The following PREB variants were observed in gnomAD, a reference collection of about 807,000 sequenced individuals.
PREB encodes the protein guanine nucleotide-exchange factor SEC12.
A neutral mutation model predicts 46.7 loss-of-function variants in PREB; 29 were observed. The ratio of observed to expected loss-of-function variants is 0.62; its 90% CI spans 0.46 to 0.85. The LOEUF (loss-of-function observed/expected upper bound fraction) is 0.85. Among genes scored for constraint, PREB ranks in the 40% least tolerant of loss-of-function variants. The pLI is 0.00. For synonymous variants in PREB, 224 were observed against 220.1 expected (o/e 1.02, Z -0.16); for missense variants, 494 against 528.4 (o/e 0.93, Z 0.64).
chr2:27,131,200 G>T lies in PREB; in HGVS notation c.*214C>A. 1.7e-6 allele frequency: 1 copy of T among 597,544 alleles called. No individual in the cohort carries two copies. The highest frequency in any genetic ancestry group is 4.5e-4 in the Middle Eastern group (1 of 2,240). 37.0% of individuals were successfully genotyped at this position (597,544 alleles called of 1,614,324 possible). On this transcript the variant is annotated 3_prime_UTR_variant, in exon 9 of 9. Transcript: ENST00000260643. ...GGCTTCAGATACCGCTGTTCTGGAT[G>T]GATCCACAGATGACGAAGGCAAGGT...
chr2:27,134,618 G>C lies in PREB; in HGVS notation c.-197C>G, dbSNP rs1243366527. 1.5e-6 allele frequency: 2 copies of C among 1,300,990 alleles called. No homozygotes were observed. The highest frequency in any genetic ancestry group is 1.6e-5 in the African/African-American group (1 of 64,144). The allele number at this position is 1,300,990 out of a possible 1,614,324, so 80.6% of individuals were successfully genotyped here. On this transcript the variant is annotated 5_prime_UTR_variant, in exon 1 of 9. Coordinates refer to ENST00000260643, the MANE Select transcript of PREB (RefSeq NM_013388.6). ...GCCTCAGCTCGGCTCCGTCCAAGTC[G>C]GTCTCGCAGACGCGCACTGCGCATG...
rs558769074 is a variant in PREB at position 27,133,040 on chromosome 2, G to C, written c.546+77C>G. ...GCAAGCTTCATTCACAAGTTTCCCAGATGCCACGTTCAACTTCTCACAATT... is the reference window on the plus strand; with the variant it reads ...GCAAGCTTCATTCACAAGTTTCCCACATGCCACGTTCAACTTCTCACAATT... On this transcript the variant is annotated intron_variant, in intron 3 of 8. Coordinates refer to ENST00000260643, the MANE Select transcript of PREB (RefSeq NM_013388.6). The C allele has an allele frequency of 5.7e-5, 90 of 1,585,600 alleles. No homozygotes were observed. In the African/African-American group the frequency reaches 1.0e-3, roughly 18 times the overall value.
Position 27,132,019 on chromosome 2 carries a change from G to C in PREB, c.990C>G (p.Phe330Leu), listed in dbSNP as rs781265603. Residue 330 changes from phenylalanine (F) to leucine (L), a missense_variant, in exon 7 of 9, where the codon TTC (phenylalanine) becomes TTG (leucine). Physicochemically the swap from Phe to Leu is conservative, Grantham distance 22. Transcript: ENST00000260643. The surrounding 1 kb of genome is among the most constrained non-coding windows in gnomAD (Gnocchi z 4.0). ...AACCTCCACCCATTACCTGGAGAGA[G>C]AAAGCTATGTAGATGGCAACAGAGC... The part of the protein sequence containing the change: ...VTGSVAIYIA[F>L]SLQCLYYVRE... 6.2e-7 allele frequency: 1 copy of C among 1,614,100 alleles called. No homozygotes were observed. Among genetic ancestry groups the C allele is most frequent in the Non-Finnish European group, 8.5e-7 (1 of 1,179,912 alleles).
In PREB at chr2:27,133,534, GC is replaced by G. The variant is rs1558480381; in HGVS notation, c.322del (p.Ala108ProfsTer30). 3.7e-6 allele frequency: 6 copies of G among 1,612,884 alleles called. No individual in the cohort carries two copies. In the Admixed American group the frequency reaches 8.3e-5, roughly 22 times the overall value. On this transcript the variant is annotated frameshift_variant, in exon 2 of 9. Coordinates refer to ENST00000260643, the MANE Select transcript of PREB (RefSeq NM_013388.6). LOFTEE classifies it high-confidence loss of function. ...HQQQGNKAEKAGSKEQGPRQR... is the reference protein window; with the variant it reads ...HQQQGNKAEKXGSKEQGPRQR... ...GGGGTAGAGAGGGAGCTCCTCACCG[GC>G]CTTCTCTGCCTTGTTGCCCTGCTGT...
intron 7 of PREB, 51 bp downstream of exon 7, chr2:27,131,959 G>C: frequency 6.3e-7 from 1 of 1,597,924 alleles, no homozygotes; most frequent in Non-Finnish European, 8.6e-7. Context: ...ACTCAGGGTA[G>C]AGACAGGCCT....
intron 2 of PREB, 32 bp from the exon 3 acceptor site, chr2:27,133,369 C>A (rs1465579810): frequency 6.2e-7 from 1 of 1,612,092 alleles, no homozygotes; most frequent in Admixed American, 1.7e-5. Context: ...AGGTTCCAGG[C>A]TTCTACAGTA....
At chr2:27,133,862 C>T (rs982754010) in intron 1 of PREB, 141 bp from the exon 2 acceptor site, 6 of 788,716 alleles carry the variant, frequency 7.6e-6, no homozygotes, top group Non-Finnish European at 9.9e-6. Context: ...CTCATTTGGG[C>T]CTCACAAATC....
At chr2:27,133,032 G>C in intron 3 of PREB, 85 bp downstream of exon 3, 1 of 1,583,448 alleles carries the variant, frequency 6.3e-7, no homozygotes, top group Admixed American at 1.7e-5. Context: ...TCATTCACAA[G>C]TTTCCCAGAT....
Position 27,133,243 on chromosome 2 carries a change from C to T in PREB, c.420G>A (p.Arg140=). The T allele has an allele frequency of 6.2e-7, 1 of 1,614,202 alleles. No homozygotes were observed. The highest frequency in any genetic ancestry group is 8.5e-7 in the Non-Finnish European group (1 of 1,180,038). ...AETQHEGLEL[R]VENLQAVQTD... is the part of the protein sequence containing the mutation. ...TCTGCACCGCCTGCAAATTCTCTAC[C>T]CTGAGTTCTAGCCCCTCGTGCTGGG... Residue 140 remains arginine (R), a synonymous_variant, in exon 3 of 9, where the codon AGG becomes AGA. Transcript: ENST00000260643.
chr2:27,131,656 T>G lies in PREB; in HGVS notation c.1159+16A>C, dbSNP rs746146314. ...AACGTGGGGTGGTGCCTGCCTGCCC[T>G]GCCCCAATGACTCACGCCGTGAGGG... On this transcript the variant is annotated intron_variant, in intron 8 of 8. Transcript: ENST00000260643. 18 of 1,613,096 alleles carry G rather than the reference T, an allele frequency of 1.1e-5. No homozygotes were observed. The African/African-American group carries it at 2.4e-4, about 22-fold the overall frequency.
Position 27,134,354 on chromosome 2 carries a change from G to C in PREB, c.68C>G (p.Pro23Arg). The C allele has an allele frequency of 6.2e-7, 1 of 1,611,396 alleles. No individual in the cohort carries two copies. The highest frequency in any genetic ancestry group is 8.5e-7 in the Non-Finnish European group (1 of 1,179,460). The change falls in exon 1 of 9, where the codon CCC becomes CGC. Residue 23 changes from proline (P) to arginine (R), a missense_variant. By Grantham distance (103) the Pro-to-Arg change is moderately radical. Transcript: ENST00000260643. ...PFPLYALQVD[P>R]STGLLIAAGG... ...CGCAGCGATGAGCAGCCCAGTGCTGGGGTCGACCTGAAGCGCGTACAACGG... is the reference window on the plus strand; with the variant it reads ...CGCAGCGATGAGCAGCCCAGTGCTGCGGTCGACCTGAAGCGCGTACAACGG...
rs752669669 is a variant in PREB, at chr2:27,133,779, G to T, written c.136-58C>A. 5.8e-6 allele frequency: 9 copies of T among 1,541,730 alleles called. No homozygotes were observed. In the Admixed American group the frequency reaches 8.7e-5, roughly 15 times the overall value. ...AGGGGTGCCCAGAGAGCACGTTTAG[G>T]GAAGAGTCTGATGTCTTACCCCTTT... On this transcript the variant is annotated intron_variant, in intron 1 of 8. Transcript: ENST00000260643.
chr2:27,131,990 T>C lies in PREB; in HGVS notation c.999+20A>G, dbSNP rs1572346180. ...GGCCTACAGTCCACCCACAGGGCCA[T>C]GCCAACCTCCACCCATTACCTGGAG... On this transcript the variant is annotated intron_variant, in intron 7 of 8. Transcript: ENST00000260643. The C allele has an allele frequency of 6.2e-7, 1 of 1,611,998 alleles. No homozygotes were observed. Among genetic ancestry groups the C allele is most frequent in the East Asian group, 2.2e-5 (1 of 44,876 alleles).
In PREB at chr2:27,134,270, T is replaced by C. The variant is rs1044536354; in HGVS notation, c.135+17A>G. On this transcript the variant is annotated intron_variant, in intron 1 of 8. Transcript: ENST00000260643. ...AGCCCGCAGCAAGACCCAGCCCCAG[T>C]GGCCCTGCGCTCTCACCACGCCATT... 6.3e-7 allele frequency: 1 copy of C among 1,583,690 alleles called. No individual in the cohort carries two copies. The highest frequency in any genetic ancestry group is 8.6e-7 in the Non-Finnish European group (1 of 1,166,850).
At position 27,131,058 on chromosome 2, in the gene PREB, C is replaced by T; in HGVS notation, c.*356G>A. 1 of 515,856 alleles carries T rather than the reference C, an allele frequency of 1.9e-6. No homozygotes were observed. The highest frequency in any genetic ancestry group is 2.3e-5 in the South Asian group (1 of 44,092). 32.0% of individuals were successfully genotyped at this position (515,856 alleles called of 1,614,324 possible). Reference sequence around the variant, plus strand: ...AGGGGAGGAGGAGAAACTGTTTCTGCAGGAAGGACAGCAGTGCCTCCAGGC... The same window carrying T: ...AGGGGAGGAGGAGAAACTGTTTCTGTAGGAAGGACAGCAGTGCCTCCAGGC... On this transcript the variant is annotated 3_prime_UTR_variant, in exon 9 of 9. Coordinates refer to ENST00000260643, the MANE Select transcript of PREB (RefSeq NM_013388.6).
Position 27,131,517 on chromosome 2 carries a change from G to C in PREB, c.1160-9C>G, listed in dbSNP as rs754263754. The C allele has an allele frequency of 6.3e-7, 1 of 1,594,474 alleles. No homozygotes were observed. Among genetic ancestry groups the C allele is most frequent in the Admixed American group, 1.8e-5 (1 of 56,374 alleles). On this transcript the variant is annotated splice_polypyrimidine_tract_variant and intron_variant, in intron 8 of 8. Transcript: ENST00000260643. ...CCACACAGGAACACTCCCTGCAGGA[G>C]GGAAAGGGAGGAGGTCAGCGGGCAA...
chr2:27,133,778 G>A, intron 1 of PREB, 57 bp from the exon 2 acceptor site: 1 of 1,547,418 alleles, frequency 6.5e-7, no homozygotes. Context: ...AGCACGTTTA[G>A]GGAAGAGTCT....
Position 27,131,086 on chromosome 2 carries a change from T to G in PREB, c.*328A>C. On this transcript the variant is annotated 3_prime_UTR_variant, in exon 9 of 9. Coordinates refer to ENST00000260643, the MANE Select transcript of PREB (RefSeq NM_013388.6). The stretch of plus-strand genomic sequence containing the variant: ...GAAGGACAGCAGTGCCTCCAGGCTC[T>G]TGGGCATCTTCACATGTTTCTAGAT... 2.0e-6 allele frequency: 1 copy of G among 510,956 alleles called. No homozygotes were observed. The highest frequency in any genetic ancestry group is 2.3e-5 in the South Asian group (1 of 43,302). 31.7% of individuals were successfully genotyped at this position (510,956 alleles called of 1,614,324 possible).
Position 27,134,586 on chromosome 2 carries a change from A to T in PREB, c.-165T>A. 7.4e-7 allele frequency: 1 copy of T among 1,343,392 alleles called. No individual in the cohort carries two copies. The highest frequency in any genetic ancestry group is 9.5e-7 in the Non-Finnish European group (1 of 1,053,296). The allele number at this position is 1,343,392 out of a possible 1,614,324, so 83.2% of individuals were successfully genotyped here. A position where few individuals can be genotyped will look rare whatever the true frequency, so the allele number is the denominator to read the frequency against. The stretch of plus-strand genomic sequence containing the variant: ...TGCCAAAACCCTGACCATCAGCAGG[A>T]AGCCGAGCCTCAGCTCGGCTCCGTC... On this transcript the variant is annotated 5_prime_UTR_variant, in exon 1 of 9. Transcript: ENST00000260643.
Sources: gnomAD v4.1 joint callset for allele counts on GRCh38, gnomAD v4.1.1 for gene constraint, Gnocchi (gnomAD v3.1) non-coding constraint, MANE v1.5 for transcripts, NCBI Gene and HGNC (gene_info 2026-07-23, HGNC 2026-07-21) for gene names.